RPAP3: variants seen among roughly 807,000 people sequenced by gnomAD.
The protein encoded by RPAP3 is RNA polymerase II associated protein 3.
A neutral mutation model predicts 88.8 loss-of-function variants in RPAP3; 58 were observed. That is an observed-to-expected ratio of 0.65 (90% CI 0.53 to 0.81). RPAP3 has a LOEUF of 0.81. Ranked by LOEUF, RPAP3 falls within the 40% of genes least tolerant of loss-of-function variation. RPAP3 has a pLI of 0.00. For synonymous variants in RPAP3, 255 were observed against 259.9 expected (o/e 0.98, Z 0.18); for missense variants, 751 against 764.3 (o/e 0.98, Z 0.20).
chr12:47,686,739 A>G, intron 9 of RPAP3, 41 bp downstream of exon 9: 1 of 1,390,382 alleles, frequency 7.2e-7, no homozygotes, highest in East Asian at 2.6e-5. Flanking sequence ...TTTATTGTAA[A>G]TTTTTATCCT....
chr12:47,686,545 T>TACATACAC (rs1555182571), intron 9 of RPAP3, among the ~76,000 whole-genome samples: 1 of 145,352 alleles, frequency 6.9e-6, no homozygotes, highest in African/African-American at 2.5e-5. Context: ...CACATACACA[T>TACATACAC]ACACACACAC....
intron 1 of RPAP3, among the ~76,000 whole-genome samples, chr12:47,704,775 G>C (rs548026240): frequency 6.6e-6 from 1 of 151,990 alleles, no homozygotes; most frequent in South Asian, 2.1e-4. Context: ...GCAGAGGTTG[G>C]GGGGCAGGGG....
At chr12:47,679,802 A>G (rs1476494535) in intron 10 of RPAP3, 28 bp from the exon 11 acceptor site, 2 of 1,463,040 alleles carry the variant, frequency 1.4e-6, no homozygotes, top group Admixed American at 3.6e-5. Context: ...AAAACATTAC[A>G]ACATAGTTAA....
intron 3 of RPAP3, among the ~76,000 whole-genome samples, chr12:47,698,369 G>A (rs1939580475): frequency 6.6e-6 from 1 of 151,442 alleles, no homozygotes. Flanking sequence ...CTCTACTAAA[G>A]GAAAAATAAA....
At chr12:47,687,063 G>T (rs1407642282) in intron 8 of RPAP3, among the ~76,000 whole-genome samples, 156 bp from the exon 9 acceptor site, 1 of 152,110 alleles carries the variant, frequency 6.6e-6, no homozygotes, top group Non-Finnish European at 1.5e-5. Context: ...TTTAAAATCT[G>T]TTGGTTTGGG....
chr12:47,665,882 C>T (rs1334551561), intron 16 of RPAP3, among the ~76,000 whole-genome samples: 1 of 152,070 alleles, frequency 6.6e-6, no homozygotes, highest in African/African-American at 2.4e-5. Flanking sequence ...CCTGCCTTAA[C>T]CTCCCAAAGT....
chr12:47,698,966 A>G (rs961260336), intron 3 of RPAP3, among the ~76,000 whole-genome samples: 2 of 152,264 alleles, frequency 1.3e-5, no homozygotes, highest in Non-Finnish European at 1.5e-5. Flanking sequence ...ACATTGAAAC[A>G]TGGACTAAAA....
intron 16 of RPAP3, among the ~76,000 whole-genome samples, chr12:47,664,262 C>T (rs989823561): frequency 8.5e-5 from 13 of 152,050 alleles, no homozygotes; most frequent in African/African-American, 2.2e-4. Flanking sequence ...TGATGGCGGG[C>T]GCCTGTAGTC....
chr12:47,692,382 A>G (rs61917595), intron 5 of RPAP3, among the ~76,000 whole-genome samples: 43,407 of 152,158 alleles, frequency 0.29, 7,073 homozygotes, highest in Non-Finnish European at 0.38. Flanking sequence ...CTTCTGGATA[A>G]CTTTCTGCAG....
chr12:47,669,222 T>A, intron 13 of RPAP3, 120 bp from the exon 14 acceptor site: 1 of 586,454 alleles, frequency 1.7e-6, no homozygotes, highest in Non-Finnish European at 2.9e-6. Context: ...CTATTTGTAT[T>A]ATACAAGCAT....
At chr12:47,670,944 T>C (rs1335646924) in intron 12 of RPAP3, among the ~76,000 whole-genome samples, 1 of 152,334 alleles carries the variant, frequency 6.6e-6, no homozygotes, top group South Asian at 2.1e-4. Context: ...ATGTATGGGA[T>C]AGACTATCAT....
At chr12:47,688,077 T>C in intron 7 of RPAP3, 76 bp from the exon 8 acceptor site, 1 of 1,199,998 alleles carries the variant, frequency 8.3e-7, no homozygotes, top group East Asian at 2.8e-5. Context: ...AAAACATAAA[T>C]ACCTCAAATA....
chr12:47,693,517 C>T (rs1939467267), intron 5 of RPAP3, among the ~76,000 whole-genome samples: 1 of 152,182 alleles, frequency 6.6e-6, no homozygotes, highest in African/African-American at 2.4e-5. Context: ...TATAAGGTTG[C>T]CACAAACTTT....
intron 12 of RPAP3, 33 bp downstream of exon 12, chr12:47,679,460 A>G: frequency 7.2e-7 from 1 of 1,390,722 alleles, no homozygotes; most frequent in South Asian, 1.3e-5. Flanking sequence ...ACATATTTAA[A>G]TGGCAAGGAA....
chr12:47,676,747 T>A (rs2136617638), intron 12 of RPAP3, among the ~76,000 whole-genome samples: 1 of 151,974 alleles, frequency 6.6e-6, no homozygotes, highest in South Asian at 2.1e-4. Context: ...ATTCAGGCAA[T>A]AATAGCCTAC....
At chr12:47,681,124 A>G (rs1462005058) in intron 10 of RPAP3, among the ~76,000 whole-genome samples, 2 of 152,140 alleles carry the variant, frequency 1.3e-5, no homozygotes, top group Non-Finnish European at 2.9e-5. Flanking sequence ...AGTTAGCAAG[A>G]AGAGATAGCT....
At chr12:47,664,786 AGCACTGAG>A (rs1938833488) in intron 16 of RPAP3, 1 of 152,274 alleles carries the variant, frequency 6.6e-6, no homozygotes, top group African/African-American at 2.4e-5. Context: ...ATTATGCGCT[AGCACTGAG>A]GCCCAGTGAA....
chr12:47,673,634 G>C lies in RPAP3; in HGVS notation c.1288-3289C>G, dbSNP rs141555773. Among the ~76,000 whole-genome samples, 206 of 152,082 alleles carry C rather than the reference G, an allele frequency of 1.4e-3. 1 individual carries two copies. Among genetic ancestry groups the C allele is most frequent in the African/African-American group, 4.4e-3 (184 of 41,490 alleles). On this transcript the variant is annotated intron_variant, in intron 12 of 16. Coordinates refer to ENST00000005386, the MANE Select transcript of RPAP3 (RefSeq NM_024604.3). ...TCCTTATGAAATTGTTATTTCTAAT[G>C]AAGAAAACTGTTATGCAAAGGATCG...
intron 16 of RPAP3, among the ~76,000 whole-genome samples, chr12:47,665,017 A>G (rs1938840926): frequency 6.6e-6 from 1 of 152,180 alleles, no homozygotes; most frequent in East Asian, 1.9e-4. Flanking sequence ...ACAAGTGAAG[A>G]TATGTAGGAA....
Sources: gnomAD v4.1 joint callset for allele counts (sites outside exome capture counted in the v4.1 genomes callset) on GRCh38, gnomAD v4.1.1 for gene constraint, MANE v1.5 for transcripts, NCBI Gene and HGNC (gene_info 2026-07-23, HGNC 2026-07-21) for gene names.